GALNT9: variants seen among roughly 807,000 people sequenced by gnomAD.
GALNT9 encodes polypeptide N-acetylgalactosaminyltransferase 9.
In GALNT9, 47 loss-of-function variants were observed where a neutral mutation model predicts 63.1. The ratio of observed to expected loss-of-function variants is 0.75; its 90% CI spans 0.59 to 0.95. GALNT9 has a LOEUF of 0.95. Ranked by LOEUF, GALNT9 falls within the 40% of genes least tolerant of loss-of-function variation. The probability of loss-of-function intolerance (pLI) is 0.00; values close to 1 mark genes in which losing one functional copy is unlikely to be tolerated. For synonymous variants in GALNT9, 396 were observed against 365.7 expected (o/e 1.08, Z -0.94); for missense variants, 829 against 874.8 (o/e 0.95, Z 0.66).
intron 1 of GALNT9, among the ~76,000 whole-genome samples, chr12:132,308,270 G>A (rs1197819108): frequency 4.6e-5 from 7 of 152,220 alleles, no homozygotes; most frequent in South Asian, 2.1e-4. Context: ...CACTCTGGGC[G>A]TCTGGATGCC....
chr12:132,307,518 A>C (rs1449311975), intron 1 of GALNT9, among the ~76,000 whole-genome samples: 5 of 152,088 alleles, frequency 3.3e-5, no homozygotes, highest in African/African-American at 1.2e-4. Context: ...GTGCACCCTG[A>C]ATACAATCAC....
intron 8 of GALNT9, 38 bp downstream of exon 8, chr12:132,201,086 C>G (rs765772586): frequency 6.2e-7 from 1 of 1,600,220 alleles, no homozygotes; most frequent in South Asian, 1.1e-5. Context: ...GGGCAGAAAG[C>G]CTGTCGGGCC....
chr12:132,222,491 A>G (rs1252660501), intron 6 of GALNT9, among the ~76,000 whole-genome samples: 3 of 152,098 alleles, frequency 2.0e-5, no homozygotes, highest in Admixed American at 1.3e-4. Context: ...AGCCAGACCA[A>G]CAGGGAAAGC....
At chr12:132,213,589 TCA>T (rs551752725) in intron 6 of GALNT9, among the ~76,000 whole-genome samples, 3 of 151,618 alleles carry the variant, frequency 2.0e-5, no homozygotes, top group Admixed American at 6.6e-5. Flanking sequence ...CTACACACAG[TCA>T]CACACACACA....
At chr12:132,313,424 C>T (rs1555245373) in intron 1 of GALNT9, among the ~76,000 whole-genome samples, 2 of 147,472 alleles carry the variant, frequency 1.4e-5, no homozygotes, top group Non-Finnish European at 3.0e-5. Flanking sequence ...CACCCTTCTA[C>T]CCACCTACCC....
At chr12:132,224,720 G>A (rs1471580353) in intron 6 of GALNT9, among the ~76,000 whole-genome samples, 4 of 70,744 alleles carry the variant, frequency 5.7e-5, no homozygotes, top group Non-Finnish European at 8.1e-5. Context: ...CCAGACATAC[G>A]CCCCATACAC....
intron 6 of GALNT9, among the ~76,000 whole-genome samples, chr12:132,218,551 G>A (rs1433967807): frequency 6.6e-6 from 1 of 152,230 alleles, no homozygotes; most frequent in Non-Finnish European, 1.5e-5. Context: ...TGGAGCCCAG[G>A]TCGGTTTCGG....
Position 132,245,999 on chromosome 12 carries a change from C to T in GALNT9, c.1077+1911G>A, listed in dbSNP as rs1878694927. 6.6e-6 allele frequency among the ~76,000 whole-genome samples: 1 copy of T among 152,220 alleles called. No homozygotes were observed. Among genetic ancestry groups the T allele is most frequent in the African/African-American group, 2.4e-5 (1 of 41,452 alleles). ...GGCACCCTCCCCAGGCTGTCCTCCT[C>T]GTCTCTGCGGTGCGTTCCATCCCTC... is the stretch of plus-strand genomic sequence containing the variant. On this transcript the variant is annotated intron_variant, in intron 6 of 10. Transcript: ENST00000328957. This position sits in a 1 kb window ranked among gnomAD's most constrained non-coding sequence, Gnocchi z 6.3.
At chr12:132,299,402 G>A (rs1297490087) in intron 1 of GALNT9, among the ~76,000 whole-genome samples, 10 of 102,152 alleles carry the variant, frequency 9.8e-5, no homozygotes, top group South Asian at 3.7e-4. Context: ...TCCCTGAGAT[G>A]ACCAACCCAT....
chr12:132,250,769 T>C lies in GALNT9; in HGVS notation c.960-2742A>G, dbSNP rs530797531. ...TGACGCCACTGCACTCCAGCCCGGG[T>C]GACAGAGGGGATTCCGTCTCAAACG... On this transcript the variant is annotated intron_variant, in intron 5 of 10. Transcript: ENST00000328957. Among the ~76,000 whole-genome samples, 8 of 151,480 alleles carry C rather than the reference T, an allele frequency of 5.3e-5. No homozygotes were observed. The East Asian group carries it at 1.4e-3, about 26-fold the overall frequency.
rs758976739 is a variant in GALNT9 at position 132,203,620 on chromosome 12, T to C, written c.1148A>G (p.Lys383Arg). 6.2e-7 allele frequency: 1 copy of C among 1,613,870 alleles called. No individual in the cohort carries two copies. The highest frequency in any genetic ancestry group is 1.7e-5 in the Admixed American group (1 of 60,022). The change falls in exon 7 of 11, where the codon AAG (lysine) becomes AGG (arginine). Residue 383 changes from lysine (K) to arginine (R), a missense_variant. Lys to Arg is a conservative substitution (Grantham distance 26). Coordinates refer to ENST00000328957, the MANE Select transcript of GALNT9 (RefSeq NM_001122636.2). ...SRVAHIERTR[K>R]PYNNDIDYYA... ...GTAGTCAATGTCGTTGTTGTAGGGCTTCCTGGTGCGCTCGATGTGGGCCAC... is the reference window on the plus strand; with the variant it reads ...GTAGTCAATGTCGTTGTTGTAGGGCCTCCTGGTGCGCTCGATGTGGGCCAC...
chr12:132,198,456 C>T (rs910360189), intron 9 of GALNT9, among the ~76,000 whole-genome samples: 1 of 137,412 alleles, frequency 7.3e-6, no homozygotes, highest in Non-Finnish European at 1.6e-5. Context: ...GGGCCTGGGC[C>T]TGTGCTGCAG....
chr12:132,213,826 G>A (rs1002476506), intron 6 of GALNT9, among the ~76,000 whole-genome samples: 3 of 152,226 alleles, frequency 2.0e-5, no homozygotes, highest in Non-Finnish European at 4.4e-5. Context: ...ATGCAGACAC[G>A]TCCCAGAAGC....
chr12:132,271,126 T>C (rs1244280331), intron 2 of GALNT9, among the ~76,000 whole-genome samples: 2 of 152,218 alleles, frequency 1.3e-5, no homozygotes, highest in Admixed American at 1.3e-4. Flanking sequence ...CGCCCTTCAG[T>C]GCCGTGTGTG....
chr12:132,203,682 C>T lies in GALNT9; in HGVS notation c.1086G>A (p.Gln362=). Reference sequence around the variant, plus strand: ...GCAGCACCTCCATGCTGCCGCCACACTGCCACACCTGCGGGGAGACGGCGC... The same window carrying T: ...GCAGCACCTCCATGCTGCCGCCACATTGCCACACCTGCGGGGAGACGGCGC... The part of the protein sequence containing the change: ...ENVELGMRVW[Q]CGGSMEVLPC... The change falls in exon 7 of 11, where the codon CAG becomes CAA. Residue 362 remains glutamine (Q), a synonymous_variant. Coordinates refer to ENST00000328957, the MANE Select transcript of GALNT9 (RefSeq NM_001122636.2). 6.2e-7 allele frequency: 1 copy of T among 1,612,218 alleles called. No individual in the cohort carries two copies. Among genetic ancestry groups the T allele is most frequent in the Non-Finnish European group, 8.5e-7 (1 of 1,179,552 alleles).
chr12:132,240,757 G>C (rs2136899407), intron 6 of GALNT9: 2 of 455,376 alleles, frequency 4.4e-6, no homozygotes, highest in Admixed American at 2.4e-5. Flanking sequence ...CTGATCACCA[G>C]CAGAATTGGA....
chr12:132,286,087 C>T lies in GALNT9; in HGVS notation c.419+163G>A, dbSNP rs1037267395. Among the ~76,000 whole-genome samples, 8 of 149,998 alleles carry T rather than the reference C, an allele frequency of 5.3e-5. No individual in the cohort carries two copies. Among genetic ancestry groups the T allele is most frequent in the South Asian group, 2.1e-4 (1 of 4,662 alleles). On this transcript the variant is annotated intron_variant, in intron 2 of 10. Coordinates refer to ENST00000328957, the MANE Select transcript of GALNT9 (RefSeq NM_001122636.2). This position sits in a 1 kb window ranked among gnomAD's most constrained non-coding sequence, Gnocchi z 7.4. ...TCACTTTCCCGGCCAGCGTGGGGGG[C>T]GGTCACTTCCCCGGCGGGCGTGGGG...
At chr12:132,237,561 A>G (rs1878050864) in intron 6 of GALNT9, among the ~76,000 whole-genome samples, 1 of 151,756 alleles carries the variant, frequency 6.6e-6, no homozygotes, top group African/African-American at 2.4e-5. Context: ...ACAACTGCAT[A>G]TACCTGCTCA....
At position 132,238,253 on chromosome 12, in the gene GALNT9, G is replaced by A. The variant is rs918815244; in HGVS notation, c.1077+9657C>T. Among the ~76,000 whole-genome samples, 4 of 152,112 alleles carry A rather than the reference G, an allele frequency of 2.6e-5. No individual in the cohort carries two copies. The highest frequency in any genetic ancestry group is 2.1e-4 in the South Asian group (1 of 4,816). ...TCATCCCAGAGCCCATGAGGGACAC[G>A]GCCGGCTGCTGGGTCCCTCACGGCG... On this transcript the variant is annotated intron_variant, in intron 6 of 10. Transcript: ENST00000328957. This position sits in a 1 kb window ranked among gnomAD's most constrained non-coding sequence, Gnocchi z 6.5.
Sources: allele counts gnomAD v4.1 joint callset (sites outside exome capture counted in the v4.1 genomes callset), GRCh38; gene constraint gnomAD v4.1.1; non-coding constraint Gnocchi (gnomAD v3.1); transcripts MANE v1.5; gene names NCBI Gene and HGNC (gene_info 2026-07-23, HGNC 2026-07-21).